Variants in STAG1 observed in about 807,000 individuals in gnomAD.
The protein encoded by STAG1 is cohesin subunit SA-1.
STAG1 carries 26 observed loss-of-function variants against 170.9 expected under a neutral mutation model. The ratio of observed to expected loss-of-function variants is 0.15; its 90% CI spans 0.11 to 0.21. The LOEUF (loss-of-function observed/expected upper bound fraction) is 0.21. Ranked by LOEUF, STAG1 falls within the 10% of genes least tolerant of loss-of-function variation. The pLI, the probability that STAG1 is intolerant of heterozygous loss-of-function variation, is 1.00. For synonymous variants in STAG1, 514 were observed against 497.7 expected (o/e 1.03, Z -0.44); for missense variants, 964 against 1,509.5 (o/e 0.64, Z 5.99).
chr3:136,573,674 G>A (rs548949386), intron 4 of STAG1, among the ~76,000 whole-genome samples: 12 of 152,072 alleles, frequency 7.9e-5, no homozygotes, highest in South Asian at 2.1e-4. Flanking sequence ...GTCCAAGCTG[G>A]ATAAAAAGAC....
chr3:136,751,194 TTGTC>T (rs1331985556), intron 1 of STAG1, among the ~76,000 whole-genome samples: 1 of 151,962 alleles, frequency 6.6e-6, no homozygotes, highest in Admixed American at 6.6e-5. Context: ...TGTTTTTTTT[TTGTC>T]TGTAAGTGTC....
chr3:136,634,249 C>T (rs765252685), intron 1 of STAG1, among the ~76,000 whole-genome samples: 47 of 151,838 alleles, frequency 3.1e-4, no homozygotes, highest in Non-Finnish European at 5.9e-4. Context: ...CTACTCTATT[C>T]GAGAGGCTGA....
chr3:136,528,598 G>C (rs916526749), intron 6 of STAG1, among the ~76,000 whole-genome samples: 12 of 148,186 alleles, frequency 8.1e-5, no homozygotes, highest in African/African-American at 3.0e-4. Context: ...CAATACAGAG[G>C]AGTCAGCAAA....
chr3:136,515,233 T>C (rs1479542840), intron 7 of STAG1, among the ~76,000 whole-genome samples: 2 of 151,966 alleles, frequency 1.3e-5, no homozygotes, highest in African/African-American at 4.8e-5. Context: ...GGTGTGGTAG[T>C]GCACGCCTGC....
intron 16 of STAG1, among the ~76,000 whole-genome samples, chr3:136,430,619 A>G (rs2088268963): frequency 8.4e-6 from 1 of 118,958 alleles, no homozygotes; most frequent in Non-Finnish European, 1.8e-5. Flanking sequence ...ACGATAGCTG[A>G]AGAGCTTAAA....
At chr3:136,339,130 T>C (rs1051938897) in intron 32 of STAG1, among the ~76,000 whole-genome samples, 7 of 151,986 alleles carry the variant, frequency 4.6e-5, no homozygotes, top group African/African-American at 1.2e-4. Context: ...GAGACACATA[T>C]AGGAAAGACC....
At chr3:136,487,189 C>T (rs1296268000) in intron 9 of STAG1, among the ~76,000 whole-genome samples, 1 of 152,034 alleles carries the variant, frequency 6.6e-6, no homozygotes, top group African/African-American at 2.4e-5. Flanking sequence ...TCCATGTGTT[C>T]TTAATGTTCA....
chr3:136,509,536 G>A (rs1406418677), intron 7 of STAG1, among the ~76,000 whole-genome samples: 3 of 152,160 alleles, frequency 2.0e-5, no homozygotes, highest in African/African-American at 7.2e-5. Context: ...CAAGGAAGTT[G>A]ACGGTATGAA....
Position 136,336,861 on chromosome 3 carries a change from C to T in STAG1, c.*1393G>A, listed in dbSNP as rs1312303170. The stretch of plus-strand genomic sequence containing the variant: ...TTTCGTATTTGATAAAAAGGGAAAG[C>T]CTCATGATTCTGTTGCAGCTACTTT... On this transcript the variant is annotated 3_prime_UTR_variant, in exon 34 of 34. Transcript: ENST00000383202. 6.6e-6 allele frequency: 1 copy of T among 152,176 alleles called. No homozygotes were observed. Among genetic ancestry groups the T allele is most frequent in the Non-Finnish European group, 1.5e-5 (1 of 68,038 alleles). The allele number at this position is 152,176 out of a possible 1,614,324, so 9.4% of individuals were successfully genotyped here.
At chr3:136,443,160 T>C (rs896899235) in intron 15 of STAG1, 127 bp downstream of exon 15, 5 of 546,930 alleles carry the variant, frequency 9.1e-6, no homozygotes, top group African/African-American at 3.8e-5. Flanking sequence ...AGAAAACAAA[T>C]TGTTCTCTTG....
At chr3:136,669,874 C>T (rs1941926322) in intron 1 of STAG1, among the ~76,000 whole-genome samples, 1 of 152,192 alleles carries the variant, frequency 6.6e-6, no homozygotes, top group African/African-American at 2.4e-5. Flanking sequence ...ACTTCAAAGA[C>T]TACTCATTTG....
chr3:136,698,705 G>C (rs1029758129), intron 1 of STAG1, among the ~76,000 whole-genome samples: 12 of 152,162 alleles, frequency 7.9e-5, no homozygotes, highest in African/African-American at 2.9e-4. Context: ...TGGGTATCTT[G>C]CTGGGTATCT....
intron 1 of STAG1, among the ~76,000 whole-genome samples, chr3:136,702,404 T>G (rs1046902626): frequency 6.6e-6 from 1 of 152,184 alleles, no homozygotes; most frequent in Non-Finnish European, 1.5e-5. Flanking sequence ...TTTCTTCTTT[T>G]GAGATGGAGT....
At chr3:136,544,441 A>G (rs1218071844) in intron 5 of STAG1, among the ~76,000 whole-genome samples, 5 of 152,190 alleles carry the variant, frequency 3.3e-5, no homozygotes, top group Non-Finnish European at 5.9e-5. Flanking sequence ...ATCCAAATAT[A>G]ACACAAGGCT....
intron 4 of STAG1, among the ~76,000 whole-genome samples, chr3:136,587,790 A>T (rs955596357): frequency 1.3e-5 from 2 of 152,058 alleles, no homozygotes; most frequent in Non-Finnish European, 2.9e-5. Flanking sequence ...CCCTATCTCT[A>T]CCAAAAACAC....
At chr3:136,560,778 T>A (rs930954313) in intron 5 of STAG1, among the ~76,000 whole-genome samples, 1 of 152,168 alleles carries the variant, frequency 6.6e-6, no homozygotes, top group Non-Finnish European at 1.5e-5. Context: ...ACCTTAGGGC[T>A]TGGCTCAAGA....
intron 3 of STAG1, among the ~76,000 whole-genome samples, chr3:136,622,154 A>AAAAAG (rs1559914785): frequency 2.0e-5 from 3 of 150,260 alleles, no homozygotes; most frequent in Non-Finnish European, 4.4e-5. Context: ...AAAAAAAAAA[A>AAAAAG]AAAAGAAAAG....
chr3:136,628,796 T>A (rs1479423356), intron 2 of STAG1, among the ~76,000 whole-genome samples: 2 of 152,222 alleles, frequency 1.3e-5, no homozygotes, highest in Non-Finnish European at 2.9e-5. Context: ...CAGAACCTAG[T>A]AGGCTTCCCG....
chr3:136,611,328 T>C (rs1201338309), intron 3 of STAG1, among the ~76,000 whole-genome samples: 2 of 151,990 alleles, frequency 1.3e-5, no homozygotes, highest in Non-Finnish European at 2.9e-5. Context: ...TTTGTGTTTT[T>C]AGTAGAGATG....
Sources: gnomAD v4.1 joint callset for allele counts (sites outside exome capture counted in the v4.1 genomes callset) on GRCh38, gnomAD v4.1.1 for gene constraint, MANE v1.5 for transcripts, NCBI Gene and HGNC (gene_info 2026-07-23, HGNC 2026-07-21) for gene names.